The following RLF variants were observed in gnomAD, a reference collection of about 807,000 sequenced individuals.
RLF encodes zinc finger protein Rlf.
A neutral mutation model predicts 162.9 loss-of-function variants in RLF; 7 were observed. The ratio of observed to expected loss-of-function variants is 0.04; its 90% CI spans 0.02 to 0.08. The LOEUF (loss-of-function observed/expected upper bound fraction) is 0.08. Among genes scored for constraint, RLF ranks in the 10% least tolerant of loss-of-function variants. The probability of loss-of-function intolerance (pLI) is 1.00; values close to 1 mark genes in which losing one functional copy is unlikely to be tolerated. For synonymous variants in RLF, 782 were observed against 791.5 expected (o/e 0.99, Z 0.20); for missense variants, 1,664 against 2,244.7 (o/e 0.74, Z 5.23).
rs1643261247 is a variant in RLF at position 40,239,434 on chromosome 1, A to C, written c.4732A>C (p.Ser1578Arg). ...RHYKRTHQMS[S>R]AYLEQQMENL... Reference sequence around the variant, plus strand: ...TTACAAACGCACTCATCAGATGAGTAGTGCCTATTTAGAGCAACAGATGGA... The same window carrying C: ...TTACAAACGCACTCATCAGATGAGTCGTGCCTATTTAGAGCAACAGATGGA... Residue 1578 changes from serine (S) to arginine (R), a missense_variant, in exon 8 of 8, where the codon AGT becomes CGT. By Grantham distance (110) the Ser-to-Arg change is moderately radical (BLOSUM62 -1). This residue lies in a region of RLF where 327 missense variants were observed against 342.7 expected (regional missense o/e 0.95). Transcript: ENST00000372771. 6.2e-7 allele frequency: 1 copy of C among 1,613,914 alleles called. No homozygotes were observed. The highest frequency in any genetic ancestry group is 1.3e-5 in the African/African-American group (1 of 74,950).
intron 1 of RLF, among the ~76,000 whole-genome samples, chr1:40,166,000 T>C (rs1642160826): frequency 6.6e-6 from 1 of 152,334 alleles, no homozygotes; most frequent in South Asian, 2.1e-4. Context: ...GGCTCTAATA[T>C]TATGGTCTTT....
At chr1:40,212,585 T>C (rs945202024) in intron 5 of RLF, among the ~76,000 whole-genome samples, 7 of 152,164 alleles carry the variant, frequency 4.6e-5, no homozygotes, top group Non-Finnish European at 1.0e-4. Flanking sequence ...GCACTTCTAT[T>C]TTAAAGAGCT....
chr1:40,163,821 A>G (rs1365730577), intron 1 of RLF, among the ~76,000 whole-genome samples: 2 of 152,206 alleles, frequency 1.3e-5, no homozygotes, highest in African/African-American at 2.4e-5. Flanking sequence ...AATGCTTTAT[A>G]CAATCAGAAT....
chr1:40,167,742 C>T (rs1179104614), intron 1 of RLF, among the ~76,000 whole-genome samples: 3 of 149,380 alleles, frequency 2.0e-5, no homozygotes, highest in Admixed American at 6.8e-5. Context: ...CTTGTATGTC[C>T]GTCTCCCCAA....
chr1:40,210,023 G>C (rs1005845844), intron 5 of RLF, among the ~76,000 whole-genome samples: 1 of 152,128 alleles, frequency 6.6e-6, no homozygotes, highest in Non-Finnish European at 1.5e-5. Context: ...AAGTTAATCA[G>C]ACTGAGATGT....
At chr1:40,228,055 T>C (rs1643101752) in intron 6 of RLF, among the ~76,000 whole-genome samples, 2 of 151,992 alleles carry the variant, frequency 1.3e-5, no homozygotes, top group Middle Eastern at 3.4e-3. Flanking sequence ...GAGGCTGAAG[T>C]GGGTGGATCT....
chr1:40,213,238 T>G (rs115165905), intron 5 of RLF, among the ~76,000 whole-genome samples: 1,971 of 152,344 alleles, frequency 0.013, 43 homozygotes, highest in African/African-American at 0.045. Flanking sequence ...GAACTTTGTA[T>G]GCATCTGGAT....
chr1:40,197,032 G>C (rs1642647495), intron 4 of RLF, among the ~76,000 whole-genome samples: 1 of 152,040 alleles, frequency 6.6e-6, no homozygotes, highest in South Asian at 2.1e-4. Context: ...GATATCTTTA[G>C]GTCTTAGAAC....
chr1:40,230,155 G>A (rs867226240), intron 6 of RLF, among the ~76,000 whole-genome samples: 1 of 151,524 alleles, frequency 6.6e-6, no homozygotes. Flanking sequence ...CCTTACAAGA[G>A]CCCCAGTTCC....
At chr1:40,232,682 C>G (rs72939314) in intron 7 of RLF, among the ~76,000 whole-genome samples, 220 of 152,264 alleles carry the variant, frequency 1.4e-3, no homozygotes, top group African/African-American at 5.0e-3. Context: ...TGCTTGAAAC[C>G]TGACATCCTC....
chr1:40,226,404 C>T (rs1643076187), intron 6 of RLF, among the ~76,000 whole-genome samples: 1 of 152,070 alleles, frequency 6.6e-6, no homozygotes, highest in South Asian at 2.1e-4. Context: ...GAACTTTGAA[C>T]CTCCACAGTA....
At chr1:40,168,565 T>C (rs948953704) in intron 1 of RLF, among the ~76,000 whole-genome samples, 5 of 152,234 alleles carry the variant, frequency 3.3e-5, no homozygotes, top group Non-Finnish European at 7.3e-5. Context: ...GACATTTTTT[T>C]GTCAACCAGT....
intron 1 of RLF, among the ~76,000 whole-genome samples, chr1:40,172,188 A>G (rs1642254570): frequency 6.6e-6 from 1 of 152,220 alleles, no homozygotes; most frequent in Non-Finnish European, 1.5e-5. Flanking sequence ...TCTTGTGGCA[A>G]AAAATACAGT....
intron 5 of RLF, among the ~76,000 whole-genome samples, chr1:40,203,660 G>GA (rs1642750100): frequency 6.6e-6 from 1 of 151,070 alleles, no homozygotes; most frequent in African/African-American, 2.4e-5. Context: ...ACATTATACA[G>GA]AAAAAAACTA....
chr1:40,170,101 A>G (rs1330742887), intron 1 of RLF, among the ~76,000 whole-genome samples: 2 of 152,186 alleles, frequency 1.3e-5, no homozygotes, highest in African/African-American at 4.8e-5. Context: ...GCCATATTCT[A>G]AAGCCTTTAT....
Position 40,231,586 on chromosome 1 carries a change from C to G in RLF, c.1017C>G (p.Arg339=). The G allele has an allele frequency of 6.2e-7, 1 of 1,613,920 alleles. No individual in the cohort carries two copies. The highest frequency in any genetic ancestry group is 1.1e-5 in the South Asian group (1 of 91,074). Residue 339 remains arginine, a synonymous_variant, in exon 7 of 8, where the codon CGC becomes CGG. Coordinates refer to ENST00000372771, the MANE Select transcript of RLF (RefSeq NM_012421.4). ...CTTCTTTAGATACTTTTTTGGAGCGCTGTCGTCAGTTTGGTGTCATAGCTA... is the reference window on the plus strand; with the variant it reads ...CTTCTTTAGATACTTTTTTGGAGCGGTGTCGTCAGTTTGGTGTCATAGCTA... The part of the protein sequence containing the change: ...IDPSLDTFLE[R]CRQFGVIAKT...
intron 1 of RLF, among the ~76,000 whole-genome samples, chr1:40,169,412 C>T (rs974897398): frequency 3.3e-5 from 5 of 151,228 alleles, no homozygotes; most frequent in African/African-American, 4.9e-5. Context: ...GTCAGGAGAT[C>T]GAGACCATCC....
chr1:40,203,445 AG>A (rs930357750), intron 5 of RLF, among the ~76,000 whole-genome samples: 7 of 151,828 alleles, frequency 4.6e-5, no homozygotes, highest in African/African-American at 1.5e-4. Context: ...CAGGAGGCTG[AG>A]GCAGGAAAAT....
chr1:40,164,435 T>C (rs1458237907), intron 1 of RLF, among the ~76,000 whole-genome samples: 1 of 152,180 alleles, frequency 6.6e-6, no homozygotes, highest in African/African-American at 2.4e-5. Context: ...GTGAAGATGA[T>C]AAAATGAAAC....
Sources: gnomAD v4.1 joint callset for allele counts (sites outside exome capture counted in the v4.1 genomes callset) on GRCh38, gnomAD v4.1.1 for gene constraint, gnomAD v4.1.1 regional missense constraint, MANE v1.5 for transcripts, NCBI Gene and HGNC (gene_info 2026-07-23, HGNC 2026-07-21) for gene names.